UBE2E2: variants seen among roughly 807,000 people sequenced by gnomAD.
The protein encoded by UBE2E2 is ubiquitin conjugating enzyme E2 E2.
Under a neutral mutation model 24.7 loss-of-function variants are expected in UBE2E2, and 6 were observed. The ratio of observed to expected loss-of-function variants is 0.24; its 90% confidence interval spans 0.13 to 0.48. The LOEUF is 0.48. Ranked by LOEUF, UBE2E2 falls within the 20% of genes least tolerant of loss-of-function variation. UBE2E2 has a pLI of 0.99. For missense variants in UBE2E2, 169 were observed against 245.0 expected (o/e 0.69, Z 2.07); for synonymous variants, 104 against 83.6 (o/e 1.24, Z -1.33).
At chr3:23,525,987 T>C (rs1257996410) in intron 4 of UBE2E2, among the ~76,000 whole-genome samples, 1 of 152,202 alleles carries the variant, frequency 6.6e-6, no homozygotes, top group Non-Finnish European at 1.5e-5. Flanking sequence ...CAATTCCTTA[T>C]CAGTTTGCAA....
intron 4 of UBE2E2, among the ~76,000 whole-genome samples, chr3:23,510,394 G>A (rs1694568193): frequency 6.6e-6 from 1 of 152,058 alleles, no homozygotes; most frequent in Non-Finnish European, 1.5e-5. Flanking sequence ...ATCAGTTGAG[G>A]TTAGGAGTTT....
intron 3 of UBE2E2, among the ~76,000 whole-genome samples, chr3:23,259,068 T>A (rs1389123043): frequency 6.6e-6 from 1 of 152,140 alleles, no homozygotes; most frequent in Non-Finnish European, 1.5e-5. Context: ...GTGAATTCTT[T>A]TAAAATTGAA....
At chr3:23,258,900 G>GAAAAAAAAAAAAAAAAAAAAA (rs11333992) in intron 3 of UBE2E2, among the ~76,000 whole-genome samples, 2 of 78,904 alleles carry the variant, frequency 2.5e-5, no homozygotes, top group Non-Finnish European at 4.8e-5. Context: ...CTCAAAAAAA[G>GAAAAAAAAAAAAAAAAAAAAA]AAAAAAAAAA....
chr3:23,548,591 A>T (rs901859201), intron 5 of UBE2E2, among the ~76,000 whole-genome samples: 60 of 151,932 alleles, frequency 3.9e-4, no homozygotes, highest in African/African-American at 1.4e-3. Flanking sequence ...CTTCTCTCTA[A>T]TCCCTTTTCC....
In UBE2E2 at chr3:23,313,735, A is replaced by G. The variant is rs1559344305; in HGVS notation, c.227+96423A>G. 2.6e-5 allele frequency among the ~76,000 whole-genome samples: 4 copies of G among 151,976 alleles called. No individual in the cohort carries two copies. In the South Asian group the frequency reaches 6.2e-4, roughly 24 times the overall value. On this transcript the variant is annotated intron_variant, in intron 3 of 5. Transcript: ENST00000396703. ...ACTCTGTGTCTCTTGATTGGAGAGT[A>G]TAGTCCACTTACATTCAGTGTTGTT...
chr3:23,379,247 A>T (rs553326005), intron 3 of UBE2E2, among the ~76,000 whole-genome samples: 3 of 149,692 alleles, frequency 2.0e-5, no homozygotes, highest in South Asian at 4.2e-4. Context: ...TTTTTATTTT[A>T]TTTTTTTTTA....
At chr3:23,404,415 T>C (rs1697307303) in intron 3 of UBE2E2, among the ~76,000 whole-genome samples, 1 of 152,186 alleles carries the variant, frequency 6.6e-6, no homozygotes, top group African/African-American at 2.4e-5. Flanking sequence ...ATTAGTCACC[T>C]TAAACTTGTT....
At chr3:23,361,606 T>C (rs1696115454) in intron 3 of UBE2E2, among the ~76,000 whole-genome samples, 1 of 152,150 alleles carries the variant, frequency 6.6e-6, no homozygotes, top group South Asian at 2.1e-4. Flanking sequence ...ATGTTCTCAT[T>C]TGTAAGTGGA....
intron 3 of UBE2E2, among the ~76,000 whole-genome samples, chr3:23,467,692 C>T (rs1177426265): frequency 1.3e-5 from 2 of 152,140 alleles, no homozygotes; most frequent in African/African-American, 4.8e-5. Context: ...CCTCACTATA[C>T]TTCTAAGTAG....
At chr3:23,564,669 G>T (rs537686159) in intron 5 of UBE2E2, among the ~76,000 whole-genome samples, 1 of 152,220 alleles carries the variant, frequency 6.6e-6, no homozygotes, top group Admixed American at 6.5e-5. Context: ...TTAGGGTCCT[G>T]GTAGATAGGA....
At chr3:23,336,418 A>G (rs1282713551) in intron 3 of UBE2E2, among the ~76,000 whole-genome samples, 2 of 152,244 alleles carry the variant, frequency 1.3e-5, no homozygotes, top group African/African-American at 4.8e-5. Context: ...TTAGTGGCAA[A>G]GTACATTTAA....
intron 3 of UBE2E2, among the ~76,000 whole-genome samples, chr3:23,444,867 G>T (rs1428731369): frequency 6.6e-6 from 1 of 152,188 alleles, no homozygotes; most frequent in Non-Finnish European, 1.5e-5. Flanking sequence ...CATGTTGATA[G>T]ATCAGTTATT....
At chr3:23,435,096 A>G (rs1217516629) in intron 3 of UBE2E2, among the ~76,000 whole-genome samples, 1 of 152,204 alleles carries the variant, frequency 6.6e-6, no homozygotes, top group African/African-American at 2.4e-5. Context: ...AATAAGCCAG[A>G]TTGCTTCTTA....
rs537246517 is a variant in UBE2E2 at position 23,280,370 on chromosome 3, T to C, written c.227+63058T>C. Among the ~76,000 whole-genome samples the C allele has an allele frequency of 7.2e-5, 11 of 152,342 alleles. No individual in the cohort carries two copies. In the East Asian group the frequency reaches 2.1e-3, roughly 29 times the overall value. On this transcript the variant is annotated intron_variant, in intron 3 of 5. Transcript: ENST00000396703. This position sits in a 1 kb window ranked among gnomAD's most constrained non-coding sequence, Gnocchi z 4.3. Reference sequence around the variant, plus strand: ...CAAATGTTGCACATATGGCATCATCTTTCTTCCTCCTACAGAGAAGTGTTG... The same window carrying C: ...CAAATGTTGCACATATGGCATCATCCTTCTTCCTCCTACAGAGAAGTGTTG...
At chr3:23,478,434 G>A (rs1471514327) in intron 3 of UBE2E2, among the ~76,000 whole-genome samples, 1 of 152,194 alleles carries the variant, frequency 6.6e-6, no homozygotes, top group Non-Finnish European at 1.5e-5. Flanking sequence ...AGTGATAGAA[G>A]AGGATAGTGA....
chr3:23,495,294 T>G (rs943569808), intron 3 of UBE2E2, among the ~76,000 whole-genome samples: 1 of 152,160 alleles, frequency 6.6e-6, no homozygotes, highest in Non-Finnish European at 1.5e-5. Flanking sequence ...AAAATTGAGT[T>G]TATGTTATCT....
chr3:23,447,848 A>G (rs78528905), intron 3 of UBE2E2, among the ~76,000 whole-genome samples: 2,568 of 152,240 alleles, frequency 0.017, 30 homozygotes, highest in Middle Eastern at 0.041. Context: ...TTTATAGTCA[A>G]TGAAATATGG....
chr3:23,248,845 G>A (rs1697493598), intron 3 of UBE2E2, among the ~76,000 whole-genome samples: 1 of 152,232 alleles, frequency 6.6e-6, no homozygotes, highest in African/African-American at 2.4e-5. Context: ...CGAATGAACA[G>A]TGAGTGATCT....
At chr3:23,330,171 C>G (rs1354645839) in intron 3 of UBE2E2, among the ~76,000 whole-genome samples, 1 of 152,180 alleles carries the variant, frequency 6.6e-6, no homozygotes, top group East Asian at 1.9e-4. Flanking sequence ...TATTTTAAAA[C>G]TAAAGTGTTA....
Sources: gnomAD v4.1 joint callset for allele counts (sites outside exome capture counted in the v4.1 genomes callset) on GRCh38, gnomAD v4.1.1 for gene constraint, Gnocchi (gnomAD v3.1) non-coding constraint, MANE v1.5 for transcripts, NCBI Gene and HGNC (gene_info 2026-07-23, HGNC 2026-07-21) for gene names.